The following BEND7 variants were observed in gnomAD, a reference collection of about 807,000 sequenced individuals.
The protein encoded by BEND7 is BEN domain containing 7, also known as BEN domain-containing protein 7.
A neutral mutation model predicts 50.9 loss-of-function variants in BEND7; 28 were observed. The ratio of observed to expected loss-of-function variants is 0.55; its 90% confidence interval spans 0.41 to 0.75. The LOEUF (loss-of-function observed/expected upper bound fraction) is 0.75. BEND7 is among the 30% of genes least tolerant of loss of function. The probability of loss-of-function intolerance (pLI) is 0.00; values close to 1 mark genes in which losing one functional copy is unlikely to be tolerated. For missense variants in BEND7, 477 were observed against 491.3 expected (o/e 0.97, Z 0.28); for synonymous variants, 170 against 183.9 (o/e 0.92, Z 0.61).
At chr10:13,514,886 G>T (rs937841753) in intron 2 of BEND7, among the ~76,000 whole-genome samples, 2 of 152,082 alleles carry the variant, frequency 1.3e-5, no homozygotes, top group African/African-American at 4.8e-5. Flanking sequence ...GCTTCTGTGG[G>T]GTTCTTTACA....
chr10:13,475,799 C>T (rs1026813952), intron 6 of BEND7, among the ~76,000 whole-genome samples: 2 of 152,184 alleles, frequency 1.3e-5, no homozygotes, highest in African/African-American at 4.8e-5. Context: ...GTTTAGTGTG[C>T]TGCAAAATGG....
intron 5 of BEND7, among the ~76,000 whole-genome samples, chr10:13,491,311 TAAA>T (rs757106538): frequency 8.2e-5 from 8 of 97,386 alleles, no homozygotes; most frequent in Admixed American, 1.2e-4. Flanking sequence ...AGACTCTGTC[TAAA>T]AAAAAAAAAA....
chr10:13,464,338 T>G (rs899982524), intron 6 of BEND7, among the ~76,000 whole-genome samples: 2 of 152,164 alleles, frequency 1.3e-5, no homozygotes, highest in African/African-American at 4.8e-5. Context: ...AAGCTAGGGT[T>G]AGAATGTGCT....
In BEND7 at chr10:13,492,641, G is replaced by C. The variant is rs760364855; in HGVS notation, c.807C>G (p.Phe269Leu). 4 of 1,613,866 alleles carry C rather than the reference G, an allele frequency of 2.5e-6. No individual in the cohort carries two copies. In the Admixed American group the frequency reaches 5.0e-5, roughly 20 times the overall value. The change falls in exon 5 of 9, where the codon TTC becomes TTG. Residue 269 changes from phenylalanine (F) to leucine (L), a missense_variant. By Grantham distance (22) the Phe-to-Leu change is conservative. This residue lies in a region of BEND7 where 396 missense variants were observed against 384.2 expected (regional missense o/e 1.03). Coordinates refer to ENST00000466271, the MANE Select transcript of BEND7 (RefSeq NM_001369863.1). Reference sequence around the variant, plus strand: ...AGGAAGGTGATTCCAGAACAATGCCGAATCCTAGAACGCGGCTCTCCTCCG... The same window carrying C: ...AGGAAGGTGATTCCAGAACAATGCCCAATCCTAGAACGCGGCTCTCCTCCG... ...TSPEESRVLG[F>L]GIVLESPSSD...
chr10:13,524,238 A>G (rs1439796192), intron 2 of BEND7, among the ~76,000 whole-genome samples: 1 of 152,262 alleles, frequency 6.6e-6, no homozygotes, highest in Non-Finnish European at 1.5e-5. Flanking sequence ...TTGCTGGAGA[A>G]CTAAATCAAG....
At chr10:13,443,465 G>C (rs544506198) in intron 8 of BEND7, 1 of 152,670 alleles carries the variant, frequency 6.6e-6, no homozygotes, top group Non-Finnish European at 1.5e-5. Flanking sequence ...GTTGTACATG[G>C]TTCTGTGACA....
At position 13,528,549 on chromosome 10, in the gene BEND7, G is replaced by A; in HGVS notation, c.-16C>T. ...AGAACTCCATGGTGCGGGGAAGGCG[G>A]CGGCGGGGGCTGAGGAGGCGGCGGC... is the stretch of plus-strand genomic sequence containing the variant. On this transcript the variant is annotated 5_prime_UTR_variant, in exon 1 of 9. Coordinates refer to ENST00000466271, the MANE Select transcript of BEND7 (RefSeq NM_001369863.1). The A allele has an allele frequency of 2.0e-6, 2 of 1,019,492 alleles. No individual in the cohort carries two copies. Among genetic ancestry groups the A allele is most frequent in the Non-Finnish European group, 1.2e-6 (1 of 853,656 alleles). 63.2% of individuals were successfully genotyped at this position (1,019,492 alleles called of 1,614,324 possible). A position where few individuals can be genotyped will look rare whatever the true frequency, so the allele number is the denominator to read the frequency against.
intron 2 of BEND7, among the ~76,000 whole-genome samples, chr10:13,513,765 A>G (rs2078451683): frequency 6.6e-6 from 1 of 152,224 alleles, no homozygotes; most frequent in Non-Finnish European, 1.5e-5. Flanking sequence ...ATGGAGTGCC[A>G]ATATCCCCAG....
At chr10:13,501,363 A>G (rs2132239998) in intron 2 of BEND7, among the ~76,000 whole-genome samples, 1 of 129,398 alleles carries the variant, frequency 7.7e-6, no homozygotes, top group South Asian at 2.7e-4. Flanking sequence ...AACAAGAGTG[A>G]AACTCCATCT....
At chr10:13,521,092 A>T (rs1392984236) in intron 2 of BEND7, among the ~76,000 whole-genome samples, 2 of 151,818 alleles carry the variant, frequency 1.3e-5, no homozygotes, top group Non-Finnish European at 2.9e-5. Context: ...GCGCCCTAAC[A>T]TTCTGCAGAG....
At chr10:13,506,099 T>C (rs1271227633) in intron 2 of BEND7, among the ~76,000 whole-genome samples, 1 of 152,206 alleles carries the variant, frequency 6.6e-6, no homozygotes, top group Non-Finnish European at 1.5e-5. Flanking sequence ...AATCCTTTTA[T>C]ATTGATCTCT....
In BEND7 at chr10:13,528,577, CGGCGGCAGCGGCA is replaced by C; in HGVS notation, c.-57_-45del. ...GCGGGGGCTGAGGAGGCGGCGGCAG[CGGCGGCAGCGGCA>C]GCGGCGGCAGCGGCAGCGGCGGCGC... On this transcript the variant is annotated 5_prime_UTR_variant, in exon 1 of 9. Coordinates refer to ENST00000466271, the MANE Select transcript of BEND7 (RefSeq NM_001369863.1). 1 of 22,326 alleles carries C rather than the reference CGGCGGCAGCGGCA, an allele frequency of 4.5e-5. No individual in the cohort carries two copies. The highest frequency in any genetic ancestry group is 5.0e-5 in the Non-Finnish European group (1 of 20,100). The allele number at this position is 22,326 out of a possible 1,614,324, so 1.4% of individuals were successfully genotyped here. A position where few individuals can be genotyped will look rare whatever the true frequency, so the allele number is the denominator to read the frequency against.
At chr10:13,495,302 T>C (rs1284842903) in intron 4 of BEND7, among the ~76,000 whole-genome samples, 2 of 152,326 alleles carry the variant, frequency 1.3e-5, no homozygotes, top group African/African-American at 4.8e-5. Context: ...TGGAACAAGG[T>C]GAGTCCAATG....
At chr10:13,448,472 A>G (rs1006350225) in intron 7 of BEND7, among the ~76,000 whole-genome samples, 2 of 152,214 alleles carry the variant, frequency 1.3e-5, no homozygotes, top group African/African-American at 4.8e-5. Context: ...AGCAGCCTAA[A>G]CTAGTGCTAC....
chr10:13,500,885 C>A, intron 2 of BEND7: 1 of 964,500 alleles, frequency 1.0e-6, no homozygotes, highest in Non-Finnish European at 1.2e-6. Context: ...CCATGCCAAA[C>A]GCACTGCCAC....
rs1156548890 is a variant in BEND7, at chr10:13,507,806, G to A, written c.146-7726C>T. 5.6e-4 allele frequency among the ~76,000 whole-genome samples: 85 copies of A among 152,072 alleles called. 1 individual carries two copies. Among genetic ancestry groups the A allele is most frequent in the Admixed American group, 5.3e-3 (81 of 15,268 alleles). ...GTGGTGATGAAAAAGCTCTGGAGGT[G>A]GTTGCACAACACTGTGAACGTATTT... On this transcript the variant is annotated intron_variant, in intron 2 of 8. Transcript: ENST00000466271.
At chr10:13,490,006 T>G (rs1173221755) in intron 5 of BEND7, among the ~76,000 whole-genome samples, 1 of 152,242 alleles carries the variant, frequency 6.6e-6, no homozygotes, top group Non-Finnish European at 1.5e-5. Context: ...TCTGCCATTT[T>G]TGACATTTTG....
At chr10:13,462,488 A>C (rs1840417533) in intron 6 of BEND7, among the ~76,000 whole-genome samples, 1 of 152,244 alleles carries the variant, frequency 6.6e-6, no homozygotes, top group South Asian at 2.1e-4. Flanking sequence ...GATTATTATA[A>C]TTCAAGGTGA....
At chr10:13,444,663 G>A (rs1835909121) in intron 8 of BEND7, 1 of 152,226 alleles carries the variant, frequency 6.6e-6, no homozygotes, top group South Asian at 2.1e-4. Context: ...AAGGGCACAT[G>A]TGAGGAGGGG....
Sources: gnomAD v4.1 joint callset for allele counts (sites outside exome capture counted in the v4.1 genomes callset) on GRCh38, gnomAD v4.1.1 for gene constraint, gnomAD v4.1.1 regional missense constraint, MANE v1.5 for transcripts, NCBI Gene and HGNC (gene_info 2026-07-23, HGNC 2026-07-21) for gene names.